The following EIF4G3 variants were observed in gnomAD, a reference collection of about 807,000 sequenced individuals.
The protein encoded by EIF4G3 is eIF-4-gamma 3.
A neutral mutation model predicts 186.4 loss-of-function variants in EIF4G3; 34 were observed. The ratio of observed to expected loss-of-function variants is 0.18; its 90% confidence interval spans 0.14 to 0.24. The LOEUF (loss-of-function observed/expected upper bound fraction) is 0.24, where lower values mean the gene tolerates loss of function less well. Ranked by LOEUF, EIF4G3 falls within the 10% of genes least tolerant of loss-of-function variation. The probability of loss-of-function intolerance (pLI) is 1.00; values close to 1 mark genes in which losing one functional copy is unlikely to be tolerated. For synonymous variants in EIF4G3, 673 were observed against 679.5 expected (o/e 0.99, Z 0.15); for missense variants, 1,536 against 1,948.5 (o/e 0.79, Z 3.99).
chr1:20,921,461 C>T (rs1330362471), intron 14 of EIF4G3, among the ~76,000 whole-genome samples: 4 of 152,110 alleles, frequency 2.6e-5, no homozygotes, highest in Non-Finnish European at 5.9e-5. Context: ...TGACCTCAGT[C>T]CTTGACCATT....
chr1:21,003,437 C>T, intron 4 of EIF4G3: 1 of 166,438 alleles, frequency 6.0e-6, no homozygotes, highest in Non-Finnish European at 1.3e-5. Context: ...TTTTAAGTTA[C>T]CATAAATCTC....
Position 20,857,384 on chromosome 1 carries a change from C to A in EIF4G3, c.3339+19G>T. The A allele has an allele frequency of 6.3e-7, 1 of 1,594,980 alleles. No individual in the cohort carries two copies. On this transcript the variant is annotated intron_variant, in intron 25 of 36. Coordinates refer to ENST00000602326, the MANE Select transcript of EIF4G3 (RefSeq NM_001391906.1). Reference sequence around the variant, plus strand: ...GCATCAAAGGAGAGCGTAAATTGTACTTTAAATGTCAGACTCACCTTAGTG... The same window carrying A: ...GCATCAAAGGAGAGCGTAAATTGTAATTTAAATGTCAGACTCACCTTAGTG...
chr1:20,851,320 G>A lies in EIF4G3; in HGVS notation c.3710C>T (p.Thr1237Ile), dbSNP rs1241101383. The stretch of plus-strand genomic sequence containing the variant: ...GTTCCTCTCCACATCCACACCTCCT[G>A]TGAGCTGCTTCACGGTCTCCAGCAT... ...REMLETVKQL[T>I]GGVDVERNST... is the part of the protein sequence containing the mutation. The change falls in exon 28 of 37, where the codon ACA (threonine) becomes ATA (isoleucine). Residue 1237 changes from threonine to isoleucine, a missense_variant. Thr to Ile is a moderately conservative substitution (Grantham distance 89, BLOSUM62 -1). This residue lies in a region of EIF4G3 where 395 missense variants were observed against 498.9 expected (regional missense o/e 0.79). Coordinates refer to ENST00000602326, the MANE Select transcript of EIF4G3 (RefSeq NM_001391906.1). 1.2e-6 allele frequency: 2 copies of A among 1,613,946 alleles called. No homozygotes were observed. The highest frequency in any genetic ancestry group is 1.3e-5 in the African/African-American group (1 of 74,874).
chr1:21,091,861 G>C (rs1020336993), intron 2 of EIF4G3, among the ~76,000 whole-genome samples: 6 of 152,220 alleles, frequency 3.9e-5, no homozygotes, highest in Admixed American at 3.9e-4. Context: ...AGACTTTGCT[G>C]AAGTTGCTTA....
chr1:20,860,659 G>GAGAA, intron 23 of EIF4G3, 142 bp from the exon 24 acceptor site: 1 of 955,136 alleles, frequency 1.0e-6, no homozygotes, highest in Non-Finnish European at 1.5e-6. Context: ...TCTTATAGAT[G>GAGAA]ACACTATGAG....
intron 2 of EIF4G3, among the ~76,000 whole-genome samples, chr1:21,171,141 G>A (rs983759955): frequency 6.6e-6 from 1 of 152,198 alleles, no homozygotes; most frequent in African/African-American, 2.4e-5. Context: ...GAATTCAGAA[G>A]TCGCTTGGGA....
intron 2 of EIF4G3, among the ~76,000 whole-genome samples, chr1:21,120,445 T>C (rs1377466025): frequency 2.0e-5 from 3 of 151,962 alleles, no homozygotes; most frequent in African/African-American, 2.4e-5. Context: ...CTGGCTAATG[T>C]GGTGAAACCT....
chr1:21,045,251 A>T (rs1445431782), intron 4 of EIF4G3, among the ~76,000 whole-genome samples: 1 of 152,216 alleles, frequency 6.6e-6, no homozygotes, highest in African/African-American at 2.4e-5. Context: ...ATAAAGCAAA[A>T]ATGGGTGTTG....
intron 13 of EIF4G3, among the ~76,000 whole-genome samples, chr1:20,948,973 A>C (rs1370338216): frequency 6.7e-6 from 1 of 149,780 alleles, no homozygotes; most frequent in Non-Finnish European, 1.5e-5. Flanking sequence ...TCTGTCTCAA[A>C]AAAAAAAAAA....
chr1:21,136,572 T>C (rs977732217), intron 2 of EIF4G3, among the ~76,000 whole-genome samples: 5 of 151,786 alleles, frequency 3.3e-5, no homozygotes, highest in African/African-American at 4.8e-5. Context: ...CTTAACTACA[T>C]GGTTTAATGG....
Position 20,807,238 on chromosome 1 carries a change from C to A in EIF4G3, c.*81G>T. ...GTTTCTGCGAGAATTGGCCTTGCTGCACTGTGATTGGCGAAGACGTGAAAC... is the reference window on the plus strand; with the variant it reads ...GTTTCTGCGAGAATTGGCCTTGCTGAACTGTGATTGGCGAAGACGTGAAAC... On this transcript the variant is annotated 3_prime_UTR_variant, in exon 37 of 37. Coordinates refer to ENST00000602326, the MANE Select transcript of EIF4G3 (RefSeq NM_001391906.1). The A allele has an allele frequency of 7.3e-7, 1 of 1,363,478 alleles. No homozygotes were observed. Among genetic ancestry groups the A allele is most frequent in the Non-Finnish European group, 1.0e-6 (1 of 996,870 alleles). 84.5% of individuals were successfully genotyped at this position (1,363,478 alleles called of 1,614,324 possible). A position where few individuals can be genotyped will look rare whatever the true frequency, so the allele number is the denominator to read the frequency against.
intron 14 of EIF4G3, among the ~76,000 whole-genome samples, chr1:20,925,716 T>C (rs1473381466): frequency 6.6e-6 from 1 of 152,176 alleles, no homozygotes; most frequent in African/African-American, 2.4e-5. Context: ...AAATTTTTTG[T>C]AGAGAAAGGG....
At chr1:21,054,907 G>T (rs919213148) in intron 3 of EIF4G3, among the ~76,000 whole-genome samples, 8 of 152,106 alleles carry the variant, frequency 5.3e-5, no homozygotes, top group Admixed American at 3.9e-4. Context: ...TATGACCAAA[G>T]ATTAACACTT....
At chr1:20,825,713 A>C (rs2063441994) in intron 32 of EIF4G3, among the ~76,000 whole-genome samples, 1 of 152,214 alleles carries the variant, frequency 6.6e-6, no homozygotes. Flanking sequence ...TGTATCTGCT[A>C]TTAAAGCCAT....
chr1:20,947,300 T>C (rs1318070000), intron 13 of EIF4G3, among the ~76,000 whole-genome samples: 25 of 151,668 alleles, frequency 1.6e-4, no homozygotes, highest in Admixed American at 1.6e-3. Context: ...GCCATGATCG[T>C]GTCACTGCAC....
intron 14 of EIF4G3, among the ~76,000 whole-genome samples, chr1:20,940,772 C>G (rs1291092197): frequency 6.6e-6 from 1 of 152,168 alleles, no homozygotes; most frequent in East Asian, 1.9e-4. Flanking sequence ...AGCTGATAAG[C>G]CTCAGATAAC....
At position 20,942,001 on chromosome 1, in the gene EIF4G3, T is replaced by G. The variant is rs999522558; in HGVS notation, c.1153A>C (p.Asn385His). 2 of 1,614,160 alleles carry G rather than the reference T, an allele frequency of 1.2e-6. No individual in the cohort carries two copies. Among genetic ancestry groups the G allele is most frequent in the Admixed American group, 3.3e-5 (2 of 60,026 alleles). The change falls in exon 14 of 37, where the codon AAT becomes CAT. Residue 385 changes from asparagine to histidine, a missense_variant. By Grantham distance (68) the Asn-to-His change is moderately conservative (BLOSUM62 1). Around this residue, in one of 11 missense-constraint regions of EIF4G3, gnomAD observed 560 missense variants for 547.8 expected, o/e 1.02. Transcript: ENST00000602326. ...CTETSDPLPT[N>H]ENDDDICKKP... is the part of the protein sequence containing the mutation. ...TTGCATATATCATCATCATTTTCAT[T>G]TGTTGGTAAAGGGTCTGATGTTTCT... is the stretch of plus-strand genomic sequence containing the variant.
In EIF4G3 at chr1:20,886,438, T is replaced by C. The variant is rs1157334981; in HGVS notation, c.2254-67A>G. On this transcript the variant is annotated intron_variant, in intron 18 of 36. Coordinates refer to ENST00000602326, the MANE Select transcript of EIF4G3 (RefSeq NM_001391906.1). ...TATTGGCTTTGTTGTGCTGTTCAAG[T>C]CAAGTCTGATGACTACGCCAAGCAA... The C allele has an allele frequency of 5.3e-6, 8 of 1,500,560 alleles. No homozygotes were observed. The Admixed American group carries it at 1.3e-4, about 25-fold the overall frequency. 93.0% of individuals were successfully genotyped at this position (1,500,560 alleles called of 1,614,324 possible). A position where few individuals can be genotyped will look rare whatever the true frequency, so the allele number is the denominator to read the frequency against.
chr1:20,943,764 A>G (rs1223588567), intron 13 of EIF4G3, among the ~76,000 whole-genome samples: 3 of 152,202 alleles, frequency 2.0e-5, no homozygotes, highest in Non-Finnish European at 4.4e-5. Flanking sequence ...TACCATTAAG[A>G]TATTATTAAT....
Sources: gnomAD v4.1 joint callset for allele counts (sites outside exome capture counted in the v4.1 genomes callset) on GRCh38, gnomAD v4.1.1 for gene constraint, gnomAD v4.1.1 regional missense constraint, MANE v1.5 for transcripts, NCBI Gene and HGNC (gene_info 2026-07-23, HGNC 2026-07-21) for gene names.